Variants in RFX1 observed in about 807,000 individuals in gnomAD.
The protein encoded by RFX1 is regulatory factor X1.
Under a neutral mutation model 119.6 loss-of-function variants are expected in RFX1, and 42 were observed. That is an observed-to-expected ratio of 0.35 (90% CI 0.27 to 0.45). The LOEUF (loss-of-function observed/expected upper bound fraction) is 0.45, where lower values mean the gene tolerates loss of function less well. Among genes scored for constraint, RFX1 ranks in the 20% least tolerant of loss-of-function variants. The pLI, the probability that RFX1 is intolerant of heterozygous loss-of-function variation, is 1.00. For synonymous variants in RFX1, 628 were observed against 618.5 expected, an observed-to-expected ratio of 1.02 and a Z score of -0.23; for missense variants, 1,118 against 1,368.1, an observed-to-expected ratio of 0.82 and a Z score of 2.88.
rs1049704587 is a variant in RFX1 at position 13,968,071 on chromosome 19, T to C, written c.1732+494A>G. Among the ~76,000 whole-genome samples the C allele has an allele frequency of 9.9e-5, 15 of 151,946 alleles. No individual in the cohort carries two copies. Among genetic ancestry groups the C allele is most frequent in the African/African-American group, 3.6e-4 (15 of 41,368 alleles). ...GAGTTCGAGACCAGCCTAGCCAAGA[T>C]GGTGAAACCCCATCTCTCCTAAAGT... On this transcript the variant is annotated intron_variant, in intron 12 of 20. Coordinates refer to ENST00000254325, the MANE Select transcript of RFX1 (RefSeq NM_002918.5). This position sits in a 1 kb window ranked among gnomAD's most constrained non-coding sequence, Gnocchi z 5.5.
Position 13,965,529 on chromosome 19 carries a change from T to A in RFX1, c.2131A>T (p.Ile711Phe). The change falls in exon 16 of 21, where the codon ATC becomes TTC. Residue 711 changes from isoleucine (I) to phenylalanine (F), a missense_variant. Ile to Phe is a conservative substitution (Grantham distance 21, BLOSUM62 0). Transcript: ENST00000254325. The surrounding 1 kb of genome is among the most constrained non-coding windows in gnomAD (Gnocchi z 4.7). The stretch of plus-strand genomic sequence containing the variant: ...TCCAGGCTCTTGGCAAAGTTCCGGA[T>A]CGCTTGGGTCAAGGCACCTGTGGGC... ...RPIPSALTQA[I>F]RNFAKSLESW... 1 of 1,613,210 alleles carries A rather than the reference T, an allele frequency of 6.2e-7. No homozygotes were observed. Among genetic ancestry groups the A allele is most frequent in the Non-Finnish European group, 8.5e-7 (1 of 1,179,812 alleles).
Position 13,980,939 on chromosome 19 carries a change from G to C in RFX1, c.622-250C>G, listed in dbSNP as rs1974410314. Among the ~76,000 whole-genome samples, 1 of 152,224 alleles carries C rather than the reference G, an allele frequency of 6.6e-6. No individual in the cohort carries two copies. On this transcript the variant is annotated intron_variant, in intron 5 of 20. Transcript: ENST00000254325. The surrounding 1 kb of genome is among the most constrained non-coding windows in gnomAD (Gnocchi z 5.1). ...TCCCCAGCAAGGTTGGCTGATGGTG[G>C]GTGGTGCCGCCAGCACCCCTGAAGC...
At chr19:13,974,205 G>C (rs1974180716) in intron 8 of RFX1, among the ~76,000 whole-genome samples, 1 of 152,148 alleles carries the variant, frequency 6.6e-6, no homozygotes, top group South Asian at 2.1e-4. Flanking sequence ...GAAGCAGGAA[G>C]GGGGTGGGGC....
intron 2 of RFX1, among the ~76,000 whole-genome samples, chr19:13,987,703 C>A (rs1474331812): frequency 6.6e-6 from 1 of 152,192 alleles, no homozygotes; most frequent in African/African-American, 2.4e-5. Context: ...CAGAACAAAT[C>A]CAGGAAGCAT....
chr19:13,982,297 C>CAGCCCGT lies in RFX1; in HGVS notation c.514-70_514-69insACGGGCT. 37 of 848,614 alleles carry CAGCCCGT rather than the reference C, an allele frequency of 4.4e-5. No homozygotes were observed. In the African/African-American group the frequency reaches 4.6e-4, roughly 10 times the overall value. The allele number at this position is 848,614 out of a possible 1,614,324, so 52.6% of individuals were successfully genotyped here. A position where few individuals can be genotyped will look rare whatever the true frequency, so the allele number is the denominator to read the frequency against. On this transcript the variant is annotated intron_variant, in intron 4 of 20. Transcript: ENST00000254325. ...CCCGTGCAGTTGCACCGAGCATCTG[C>CAGCCCGT]GCAGTGCCAGGTGACATTCTAAGTG...
intron 1 of RFX1, 90 bp downstream of exon 1, chr19:14,006,013 C>A (rs893235555): frequency 4.0e-5 from 6 of 151,872 alleles, no homozygotes; most frequent in African/African-American, 1.2e-4. Flanking sequence ...CCCGCCCCTT[C>A]CCCCCGGACT....
chr19:13,972,194 C>A (rs1599483034), intron 9 of RFX1, among the ~76,000 whole-genome samples: 5 of 139,460 alleles, frequency 3.6e-5, no homozygotes, highest in East Asian at 2.0e-4. Context: ...AAAAAGTAGA[C>A]AACATTTTTT....
At position 13,963,699 on chromosome 19, in the gene RFX1, C is replaced by G. The variant is rs971385043; in HGVS notation, c.2409G>C (p.Arg803=). 13 of 1,604,906 alleles carry G rather than the reference C, an allele frequency of 8.1e-6. No homozygotes were observed. Among genetic ancestry groups the G allele is most frequent in the African/African-American group, 1.3e-5 (1 of 74,740 alleles). The stretch of plus-strand genomic sequence containing the variant: ...GCGTCACCTTGAAGTCCTGCTCCAG[C>G]CGCTGCACCACGCGGTCCTCGCAGC... The part of the protein sequence containing the change: ...VCRCEDRVVQ[R]LEQDFKVTLQ... The change falls in exon 18 of 21, where the codon CGG becomes CGC. Residue 803 remains arginine, a synonymous_variant. Transcript: ENST00000254325.
At chr19:13,995,205 A>T (rs1367407828) in intron 1 of RFX1, among the ~76,000 whole-genome samples, 1 of 151,618 alleles carries the variant, frequency 6.6e-6, no homozygotes. Flanking sequence ...GCTGCATTTG[A>T]ACTCTGGGTG....
At chr19:14,004,186 C>T (rs975793428) in intron 1 of RFX1, among the ~76,000 whole-genome samples, 5 of 152,026 alleles carry the variant, frequency 3.3e-5, no homozygotes, top group African/African-American at 9.7e-5. Context: ...AGGTGTGAGC[C>T]ACCACGCCCA....
chr19:13,984,625 C>G (rs1974538511), intron 2 of RFX1, among the ~76,000 whole-genome samples: 1 of 152,142 alleles, frequency 6.6e-6, no homozygotes. Flanking sequence ...TCCATGTGAC[C>G]TGGCATACCC....
chr19:13,982,464 C>T (rs528162597), intron 4 of RFX1, among the ~76,000 whole-genome samples: 45 of 152,272 alleles, frequency 3.0e-4, no homozygotes, highest in African/African-American at 8.7e-4. Flanking sequence ...GCGGCAGAGC[C>T]GGAGTTGTTG....
chr19:13,963,285 G>A lies in RFX1; in HGVS notation c.2571-10C>T. On this transcript the variant is annotated splice_polypyrimidine_tract_variant and intron_variant, in intron 18 of 20. Coordinates refer to ENST00000254325, the MANE Select transcript of RFX1 (RefSeq NM_002918.5). ...CCGGATCACCATGGAGCTGGGGATG[G>A]AGACGGAGAGGAGACCGTCAGGCCC... The A allele has an allele frequency of 6.2e-7, 1 of 1,605,342 alleles. No homozygotes were observed. Among genetic ancestry groups the A allele is most frequent in the Non-Finnish European group, 8.5e-7 (1 of 1,178,210 alleles).
chr19:13,998,034 C>T (rs1022736615), intron 1 of RFX1: 3 of 152,156 alleles, frequency 2.0e-5, no homozygotes, highest in South Asian at 2.1e-4. Context: ...TCACTGTAGC[C>T]GACGACCCTT....
rs565156686 is a variant in RFX1, at chr19:14,000,873, T to C, written c.-53+5230A>G. 1.5e-3 allele frequency among the ~76,000 whole-genome samples: 233 copies of C among 152,186 alleles called. 2 individuals carry two copies. The highest frequency in any genetic ancestry group is 5.0e-3 in the African/African-American group (208 of 41,524). On this transcript the variant is annotated intron_variant, in intron 1 of 20. Transcript: ENST00000254325. ...ACTTTGAGAGCCCAGGGCAGGAAGA[T>C]TGCTTGAGGCCAGAAGTTTGAGACC... is the stretch of plus-strand genomic sequence containing the variant.
At position 13,993,791 on chromosome 19, in the gene RFX1, G is replaced by A. The variant is rs760061480; in HGVS notation, c.53C>T (p.Pro18Leu). 4.4e-5 allele frequency: 70 copies of A among 1,596,650 alleles called. No homozygotes were observed. Among genetic ancestry groups the A allele is most frequent in the Admixed American group, 5.2e-5 (3 of 58,244 alleles). The stretch of plus-strand genomic sequence containing the variant: ...CTGGGCTTGTGGCGGGGCCTGTGGC[G>A]GCTGGGATGGTGGCGGGGCTGCCTG... ...ELQAAPPPSQ[P>L]PQAPPQAQPQ... Residue 18 changes from proline (P) to leucine (L), a missense_variant, in exon 2 of 21, where the codon CCG becomes CTG. Physicochemically the swap from Pro to Leu is moderately conservative, Grantham distance 98 (BLOSUM62 -3). Around this residue, in one of 5 missense-constraint regions of RFX1, gnomAD observed 542 missense variants for 602.7 expected, o/e 0.90. Transcript: ENST00000254325.
At chr19:13,964,033 C>A in intron 16 of RFX1, 26 bp from the exon 17 acceptor site, 1 of 1,525,534 alleles carries the variant, frequency 6.6e-7, no homozygotes, top group Admixed American at 2.0e-5. Context: ...GAGGGGCTTG[C>A]TGCTTCCAAG....
At position 13,968,784 on chromosome 19, in the gene RFX1, T is replaced by C. The variant is rs1006678164; in HGVS notation, c.1607A>G (p.Gln536Arg). 6.3e-6 allele frequency: 10 copies of C among 1,592,526 alleles called. No homozygotes were observed. The highest frequency in any genetic ancestry group is 7.7e-6 in the Non-Finnish European group (9 of 1,169,768). ...HMAMRGQPFS[Q>R]KQRLKPIQKM... Reference sequence around the variant, plus strand: ...GGCCCTGCCTTCCTACCTCTGCTTCTGCGAGAAGGGCTGGCCCCGCATGGC... The same window carrying C: ...GGCCCTGCCTTCCTACCTCTGCTTCCGCGAGAAGGGCTGGCCCCGCATGGC... The change falls in exon 11 of 21, where the codon CAG becomes CGG. Residue 536 changes from glutamine (Q) to arginine (R), a missense_variant. Gln to Arg is a conservative substitution (Grantham distance 43, BLOSUM62 1). Transcript: ENST00000254325. This position sits in a 1 kb window ranked among gnomAD's most constrained non-coding sequence, Gnocchi z 5.5.
In RFX1 at chr19:13,985,219, C is replaced by T. The variant is rs1381260078; in HGVS notation, c.320-1624G>A. On this transcript the variant is annotated intron_variant, in intron 2 of 20. Transcript: ENST00000254325. This position sits in a 1 kb window ranked among gnomAD's most constrained non-coding sequence, Gnocchi z 4.3. ...TTTTGAGACAGGGTCTCACAGTTGC[C>T]CAGGCTGGAGTGCAGTGGCGCAATC... Among the ~76,000 whole-genome samples the T allele has an allele frequency of 1.3e-5, 2 of 150,644 alleles. No homozygotes were observed.
Sources: allele counts gnomAD v4.1 joint callset (sites outside exome capture counted in the v4.1 genomes callset), GRCh38; gene constraint gnomAD v4.1.1; regional missense constraint gnomAD v4.1.1; non-coding constraint Gnocchi (gnomAD v3.1); transcripts MANE v1.5; gene names NCBI Gene and HGNC (gene_info 2026-07-23, HGNC 2026-07-21).